The following GALNTL6 variants were observed in gnomAD, a reference collection of about 807,000 sequenced individuals.
GALNTL6 encodes polypeptide N-acetylgalactosaminyltransferase like 6.
A neutral mutation model predicts 73.7 loss-of-function variants in GALNTL6; 46 were observed. The observed-to-expected ratio is 0.62, with a 90% CI of 0.49 to 0.80. The LOEUF is 0.80. Among genes scored for constraint, GALNTL6 ranks in the 30% least tolerant of loss-of-function variants. The pLI is 0.00. For missense variants in GALNTL6, 604 were observed against 755.0 expected (o/e 0.80, Z 2.34); for synonymous variants, 259 against 263.7 (o/e 0.98, Z 0.17).
intron 2 of GALNTL6, among the ~76,000 whole-genome samples, chr4:171,882,955 G>GT (rs1736496565): frequency 6.6e-6 from 1 of 152,150 alleles, no homozygotes; most frequent in South Asian, 2.1e-4. Flanking sequence ...AAAATAGAAA[G>GT]TATCAGCTTT....
At chr4:171,964,832 C>T (rs1157834920) in intron 2 of GALNTL6, among the ~76,000 whole-genome samples, 1 of 152,168 alleles carries the variant, frequency 6.6e-6, no homozygotes, top group Admixed American at 6.5e-5. Context: ...CCTTGCCCAA[C>T]ACCATTCCTC....
intron 5 of GALNTL6, among the ~76,000 whole-genome samples, chr4:172,568,754 T>C (rs1342891701): frequency 5.8e-5 from 1 of 17,228 alleles, no homozygotes; most frequent in Admixed American, 1.2e-3. Context: ...CGAGACTCCA[T>C]CTCAAAAAAA....
At chr4:172,514,495 G>A (rs2110798807) in intron 5 of GALNTL6, among the ~76,000 whole-genome samples, 1 of 152,278 alleles carries the variant, frequency 6.6e-6, no homozygotes, top group South Asian at 2.1e-4. Flanking sequence ...TTTGCCGCAA[G>A]CTACCAGTCT....
chr4:172,464,169 A>T (rs559273706), intron 5 of GALNTL6, among the ~76,000 whole-genome samples: 2 of 152,188 alleles, frequency 1.3e-5, no homozygotes, highest in South Asian at 4.1e-4. Context: ...CCAAAGCGTT[A>T]GGATTACAGG....
intron 5 of GALNTL6, among the ~76,000 whole-genome samples, chr4:172,642,181 A>T (rs1006567636): frequency 1.3e-5 from 2 of 151,990 alleles, no homozygotes; most frequent in East Asian, 1.9e-4. Flanking sequence ...TCCTCAAAAA[A>T]TTTTTAAAAA....
At chr4:171,873,863 G>A (rs6825635) in intron 2 of GALNTL6, among the ~76,000 whole-genome samples, 34,417 of 151,858 alleles carry the variant, frequency 0.23, 4,636 homozygotes, top group African/African-American at 0.37. Flanking sequence ...TGCTGAATGT[G>A]GAGTTGAAGG....
chr4:172,964,662 G>C (rs984726591), intron 10 of GALNTL6, among the ~76,000 whole-genome samples: 1 of 152,144 alleles, frequency 6.6e-6, no homozygotes, highest in Non-Finnish European at 1.5e-5. Flanking sequence ...TCACCTGCTT[G>C]CTTCTTTCTT....
chr4:172,316,062 A>G (rs545131909), intron 4 of GALNTL6, among the ~76,000 whole-genome samples: 2 of 152,340 alleles, frequency 1.3e-5, no homozygotes, highest in East Asian at 3.9e-4. Context: ...AGAATTTTTA[A>G]GCAAGTATTA....
intron 9 of GALNTL6, among the ~76,000 whole-genome samples, chr4:172,941,756 C>G (rs1382811918): frequency 1.3e-5 from 2 of 152,214 alleles, no homozygotes; most frequent in East Asian, 3.8e-4. Flanking sequence ...GCCATAATCT[C>G]AATAACCGAA....
chr4:172,164,969 T>C (rs1021766784), intron 2 of GALNTL6, among the ~76,000 whole-genome samples: 1 of 152,094 alleles, frequency 6.6e-6, no homozygotes, highest in Non-Finnish European at 1.5e-5. Flanking sequence ...GGTGCTCGCC[T>C]TATCAACCTG....
chr4:171,888,697 C>T (rs1014425817), intron 2 of GALNTL6, among the ~76,000 whole-genome samples: 4 of 152,048 alleles, frequency 2.6e-5, no homozygotes, highest in African/African-American at 9.7e-5. Flanking sequence ...CTAAAGAAAT[C>T]CAGCCTTTCC....
At chr4:172,063,288 T>C (rs761463724) in intron 2 of GALNTL6, among the ~76,000 whole-genome samples, 14 of 152,220 alleles carry the variant, frequency 9.2e-5, no homozygotes, top group Non-Finnish European at 1.9e-4. Context: ...TTCACATTCA[T>C]GTTTCAATAT....
chr4:172,198,298 A>G (rs1560965584), intron 2 of GALNTL6, among the ~76,000 whole-genome samples: 1 of 152,070 alleles, frequency 6.6e-6, no homozygotes, highest in Non-Finnish European at 1.5e-5. Flanking sequence ...AAATAAAACA[A>G]AAATCCTATC....
chr4:172,838,719 C>A (rs1277560910), intron 7 of GALNTL6, among the ~76,000 whole-genome samples: 1 of 152,176 alleles, frequency 6.6e-6, no homozygotes, highest in African/African-American at 2.4e-5. Flanking sequence ...TCCCTACTTA[C>A]AAAAACTTCC....
At chr4:172,156,547 A>ATATAG (rs1553997713) in intron 2 of GALNTL6, among the ~76,000 whole-genome samples, 1 of 113,776 alleles carries the variant, frequency 8.8e-6, no homozygotes, top group Non-Finnish European at 1.7e-5. Context: ...TATAATATAT[A>ATATAG]TATATATATA....
chr4:171,876,841 G>A (rs544026289), intron 2 of GALNTL6, among the ~76,000 whole-genome samples: 60 of 152,286 alleles, frequency 3.9e-4, no homozygotes, highest in Non-Finnish European at 2.9e-5. Context: ...GCAACCAAGG[G>A]CTTATGCATG....
chr4:172,767,739 A>G (rs531721973), intron 5 of GALNTL6, among the ~76,000 whole-genome samples: 1 of 139,692 alleles, frequency 7.2e-6, no homozygotes, highest in Admixed American at 8.2e-5. Context: ...ACTCCATCTC[A>G]GCTCACTGCA....
At chr4:172,951,058 G>A (rs1259208415) in intron 9 of GALNTL6, among the ~76,000 whole-genome samples, 2 of 152,164 alleles carry the variant, frequency 1.3e-5, no homozygotes, top group Non-Finnish European at 2.9e-5. Context: ...TTTCCTAAAG[G>A]CCACAGAAGA....
At chr4:172,189,969 C>G (rs1735525598) in intron 2 of GALNTL6, among the ~76,000 whole-genome samples, 2 of 152,050 alleles carry the variant, frequency 1.3e-5, no homozygotes, top group African/African-American at 4.8e-5. Flanking sequence ...ATCTCAAGAG[C>G]AACAAACCAT....
Sources: allele counts gnomAD v4.1 joint callset (sites outside exome capture counted in the v4.1 genomes callset), GRCh38; gene constraint gnomAD v4.1.1; transcripts MANE v1.5; gene names NCBI Gene and HGNC (gene_info 2026-07-23, HGNC 2026-07-21).